The following RBBP6 variants were observed in gnomAD, a reference collection of about 807,000 sequenced individuals.
The protein encoded by RBBP6 is RB binding protein 6, ubiquitin ligase, also known as E3 ubiquitin-protein ligase RBBP6.
A neutral mutation model predicts 167.7 loss-of-function variants in RBBP6; 25 were observed. The observed-to-expected ratio is 0.15, with a 90% CI of 0.11 to 0.21. The LOEUF (loss-of-function observed/expected upper bound fraction) is 0.21, where lower values mean the gene tolerates loss of function less well. Among genes scored for constraint, RBBP6 ranks in the 10% least tolerant of loss-of-function variants. The probability of loss-of-function intolerance (pLI) is 1.00; values close to 1 mark genes in which losing one functional copy is unlikely to be tolerated. For synonymous variants in RBBP6, 789 were observed against 735.8 expected (o/e 1.07, Z -1.17); for missense variants, 1,868 against 2,134.2 (o/e 0.88, Z 2.46).
At chr16:24,542,256 A>C (rs1898519190) in intron 1 of RBBP6, among the ~76,000 whole-genome samples, 1 of 152,184 alleles carries the variant, frequency 6.6e-6, no homozygotes, top group South Asian at 2.1e-4. Flanking sequence ...CACAGAACAG[A>C]TGGGTTTATA....
Position 24,568,969 on chromosome 16 carries a change from C to T in RBBP6, c.2279C>T (p.Ser760Leu). ...SHGYHRSRSR[S>L]PPYRRYHSRS... ...GGATATCATCGATCTAGGTCAAGGT[C>T]ACCCCCTTACAGACGCTATCATTCA... Residue 760 changes from serine (S) to leucine (L), a missense_variant, in exon 17 of 18, where the codon TCA becomes TTA. Ser to Leu is a moderately radical substitution (Grantham distance 145, BLOSUM62 -2). Around this residue, in one of 7 missense-constraint regions of RBBP6, gnomAD observed 673 missense variants for 691.5 expected, o/e 0.97. Transcript: ENST00000319715. 1 of 1,614,108 alleles carries T rather than the reference C, an allele frequency of 6.2e-7. No homozygotes were observed. The highest frequency in any genetic ancestry group is 8.5e-7 in the Non-Finnish European group (1 of 1,179,946).
Position 24,540,598 on chromosome 16 carries a change from T to G in RBBP6, c.-29T>G. On this transcript the variant is annotated 5_prime_UTR_variant, in exon 1 of 18. Coordinates refer to ENST00000319715, the MANE Select transcript of RBBP6 (RefSeq NM_006910.5). ...GTATATTGAGAGTGTCCACGTCTCC[T>G]CGCTGAACCTTAGGAATCCCTTGGC... 6.3e-7 allele frequency: 1 copy of G among 1,595,240 alleles called. No homozygotes were observed. The highest frequency in any genetic ancestry group is 8.6e-7 in the Non-Finnish European group (1 of 1,167,690).
intron 8 of RBBP6, among the ~76,000 whole-genome samples, chr16:24,560,256 G>A (rs561243787): frequency 3.3e-5 from 5 of 151,952 alleles, no homozygotes; most frequent in South Asian, 4.2e-4. Context: ...GCAGGTGCCC[G>A]CCACCACACC....
chr16:24,563,200 G>A lies in RBBP6; in HGVS notation c.1291G>A (p.Asp431Asn), dbSNP rs1158701653. Residue 431 changes from aspartate to asparagine, a missense_variant and splice_region_variant, in exon 11 of 18, where the codon GAT (aspartate) becomes AAT (asparagine). This residue lies in a region of RBBP6 where 245 missense variants were observed against 240.1 expected (regional missense o/e 1.02). Transcript: ENST00000319715. ...TATTATAATTTATGTTTTTTAAAGG[G>A]ATTCTGATAATAAAATATTGCCAGC... ...HSEKSDGPFR[D>N]SDNKILPAAA... 2.5e-6 allele frequency: 4 copies of A among 1,599,812 alleles called. No homozygotes were observed. The highest frequency in any genetic ancestry group is 3.4e-6 in the Non-Finnish European group (4 of 1,172,530).
intron 8 of RBBP6, 37 bp from the exon 9 acceptor site, chr16:24,561,575 A>G (rs1336198470): frequency 5.9e-6 from 9 of 1,533,526 alleles, no homozygotes; most frequent in African/African-American, 1.4e-5. Flanking sequence ...TTGAGTTCCT[A>G]CTATGCTTTT....
intron 17 of RBBP6, 124 bp downstream of exon 17, chr16:24,570,623 G>T: frequency 1.1e-6 from 1 of 948,370 alleles, no homozygotes; most frequent in Non-Finnish European, 1.5e-6. Context: ...CTGGTTTTAT[G>T]TAGTCTTTTG....
At chr16:24,550,607 A>G (rs1259409330) in intron 3 of RBBP6, among the ~76,000 whole-genome samples, 1 of 151,742 alleles carries the variant, frequency 6.6e-6, no homozygotes, top group Non-Finnish European at 1.5e-5. Flanking sequence ...GTTTATTAGC[A>G]TGTGTATAAA....
At position 24,546,261 on chromosome 16, in the gene RBBP6, A is replaced by G. The variant is rs764235947; in HGVS notation, c.265A>G (p.Ile89Val). The change falls in exon 2 of 18, where the codon ATA (isoleucine) becomes GTA (valine). Residue 89 changes from isoleucine (I) to valine (V), a missense_variant and splice_region_variant. By Grantham distance (29) the Ile-to-Val change is conservative. Coordinates refer to ENST00000319715, the MANE Select transcript of RBBP6 (RefSeq NM_006910.5). The stretch of plus-strand genomic sequence containing the variant: ...TAAATCTACAAGCAAGACATATGTT[A>G]TGTAAGTATCAAATCTCATGTATTT... Reference protein sequence around the residue: ...GVKSTSKTYVISRTEPAMATT... With the variant: ...GVKSTSKTYVVSRTEPAMATT... The G allele has an allele frequency of 3.2e-6, 5 of 1,562,452 alleles. No individual in the cohort carries two copies. Among genetic ancestry groups the G allele is most frequent in the Non-Finnish European group, 4.3e-6 (5 of 1,163,980 alleles).
chr16:24,562,237 T>C (rs1899080170), intron 10 of RBBP6, 76 bp downstream of exon 10: 2 of 1,360,560 alleles, frequency 1.5e-6, no homozygotes, highest in South Asian at 1.3e-5. Context: ...GTTATCACTT[T>C]TAACAGCTTT....
In RBBP6 at chr16:24,540,582, G is replaced by T; in HGVS notation, c.-45G>T. ...AAGTTTATAAATATACGTATATTGA[G>T]AGTGTCCACGTCTCCTCGCTGAACC... On this transcript the variant is annotated 5_prime_UTR_variant, in exon 1 of 18. Coordinates refer to ENST00000319715, the MANE Select transcript of RBBP6 (RefSeq NM_006910.5). 6.5e-7 allele frequency: 1 copy of T among 1,545,366 alleles called. No individual in the cohort carries two copies. The highest frequency in any genetic ancestry group is 1.2e-5 in the South Asian group (1 of 86,304).
At chr16:24,557,676 A>C (rs1898947333) in intron 7 of RBBP6, among the ~76,000 whole-genome samples, 1 of 151,268 alleles carries the variant, frequency 6.6e-6, no homozygotes, top group South Asian at 2.1e-4. Context: ...GAGATTGTGA[A>C]GTTAGGGGAT....
Position 24,548,317 on chromosome 16 carries a change from G to GTTT in RBBP6, c.267-616_267-614dup, listed in dbSNP as rs67923848. Among the ~76,000 whole-genome samples, 158 of 143,658 alleles carry GTTT rather than the reference G, an allele frequency of 1.1e-3. 1 individual carries two copies. The highest frequency in any genetic ancestry group is 2.6e-3 in the African/African-American group (103 of 39,276). The allele number at this position is 143,658 out of a possible 152,430, so 94.2% of individuals were successfully genotyped here. A position where few individuals can be genotyped will look rare whatever the true frequency, so the allele number is the denominator to read the frequency against. On this transcript the variant is annotated intron_variant, in intron 2 of 17. Transcript: ENST00000319715. The stretch of plus-strand genomic sequence containing the variant: ...TTCTGGGAGTGAGAATTTTTGTTCA[G>GTTT]TTTTTTTTTTTTTTCTGTTTTTAAG...
intron 3 of RBBP6, among the ~76,000 whole-genome samples, chr16:24,551,980 A>G (rs1271868097): frequency 1.3e-5 from 2 of 151,712 alleles, no homozygotes; most frequent in African/African-American, 4.8e-5. Flanking sequence ...TTTTCTACTT[A>G]CCACTTGAGA....
At chr16:24,570,818 G>A (rs1899308487) in intron 17 of RBBP6, 58 bp from the exon 18 acceptor site, 1 of 1,259,574 alleles carries the variant, frequency 7.9e-7, no homozygotes, top group East Asian at 2.7e-5. Flanking sequence ...ATTTATCAGT[G>A]TTTTATAATT....
Position 24,570,018 on chromosome 16 carries a change from G to T in RBBP6, c.3328G>T (p.Val1110Leu), listed in dbSNP as rs376219694. The T allele has an allele frequency of 6.2e-7, 1 of 1,603,390 alleles. No homozygotes were observed. The highest frequency in any genetic ancestry group is 1.4e-5 in the African/African-American group (1 of 73,872). The change falls in exon 17 of 18, where the codon GTG becomes TTG. Residue 1110 changes from valine (V) to leucine (L), a missense_variant. This residue lies in a region of RBBP6 where 673 missense variants were observed against 691.5 expected (regional missense o/e 0.97). Coordinates refer to ENST00000319715, the MANE Select transcript of RBBP6 (RefSeq NM_006910.5). ...QETKPVKEEK[V>L]KKDYSKDVKS... ...AACAAAACCAGTCAAAGAGGAAAAA[G>T]TGAAGAAGGACTATTCCAAAGATGT...
chr16:24,560,672 A>G (rs1704073487), intron 8 of RBBP6, among the ~76,000 whole-genome samples: 1 of 152,240 alleles, frequency 6.6e-6, no homozygotes, highest in Non-Finnish European at 1.5e-5. Flanking sequence ...GCAAGAAAAC[A>G]GTAAAAAATA....
chr16:24,549,498 G>A (rs72785703), intron 3 of RBBP6: 32,157 of 503,838 alleles, frequency 0.064, 1,235 homozygotes, highest in Middle Eastern at 0.11. Context: ...AACATGCAAA[G>A]CTTATATTAA....
At chr16:24,564,743 A>C in intron 13 of RBBP6, 54 bp from the exon 14 acceptor site, 1 of 1,581,708 alleles carries the variant, frequency 6.3e-7, no homozygotes, top group Non-Finnish European at 8.6e-7. Flanking sequence ...TGGAAAGGTC[A>C]TGTATTATAC....
In RBBP6 at chr16:24,559,697, G is replaced by C. The variant is rs1567275701; in HGVS notation, c.847+20G>C. The C allele has an allele frequency of 6.7e-7, 1 of 1,503,142 alleles. No individual in the cohort carries two copies. The highest frequency in any genetic ancestry group is 2.4e-5 in the East Asian group (1 of 40,828). 93.1% of individuals were successfully genotyped at this position (1,503,142 alleles called of 1,614,324 possible). ...ATGAATGTAAGAAGTGCTGAATCTT[G>C]GAAGATGTATATTTTAGAATATTTG... On this transcript the variant is annotated intron_variant, in intron 8 of 17. Transcript: ENST00000319715.
Sources: gnomAD v4.1 joint callset for allele counts (sites outside exome capture counted in the v4.1 genomes callset) on GRCh38, gnomAD v4.1.1 for gene constraint, gnomAD v4.1.1 regional missense constraint, MANE v1.5 for transcripts, NCBI Gene and HGNC (gene_info 2026-07-23, HGNC 2026-07-21) for gene names.